The following NUP133 variants were observed in gnomAD, a reference collection of about 807,000 sequenced individuals.
The protein encoded by NUP133 is nuclear pore complex protein Nup133.
Under a neutral mutation model 146.2 loss-of-function variants are expected in NUP133, and 66 were observed. That is an observed-to-expected ratio of 0.45 (90% CI 0.37 to 0.55). The LOEUF (loss-of-function observed/expected upper bound fraction) is 0.55. Ranked by LOEUF, NUP133 falls within the 20% of genes least tolerant of loss-of-function variation. The pLI, the probability that NUP133 is intolerant of heterozygous loss-of-function variation, is 0.00. For missense variants in NUP133, 1,277 were observed against 1,374.8 expected (o/e 0.93, Z 1.12); for synonymous variants, 521 against 498.8 (o/e 1.04, Z -0.59).
intron 15 of NUP133, 96 bp downstream of exon 15, chr1:229,470,481 CTTT>C: frequency 1.0e-6 from 1 of 980,616 alleles, no homozygotes; most frequent in Admixed American, 2.2e-5. Context: ...TCAGTGAGAT[CTTT>C]TGTGATTTAA....
intron 9 of NUP133, among the ~76,000 whole-genome samples, chr1:229,488,956 A>G (rs1288771754): frequency 6.6e-6 from 1 of 152,258 alleles, no homozygotes; most frequent in Non-Finnish European, 1.5e-5. Context: ...GTTATTAAAC[A>G]TGTTTAATTG....
chr1:229,469,175 G>T (rs77060116), intron 15 of NUP133, among the ~76,000 whole-genome samples: 2,671 of 152,290 alleles, frequency 0.018, 85 homozygotes, highest in African/African-American at 0.061. Context: ...AGAGCTCAGG[G>T]AAGAGCTGGC....
At chr1:229,452,463 CAACAAACACCA>C (rs1660472859) in intron 22 of NUP133, 51 bp downstream of exon 22, 2 of 1,329,326 alleles carry the variant, frequency 1.5e-6, no homozygotes, top group South Asian at 2.6e-5. Context: ...CTACATGGCC[CAACAAACACCA>C]AAAAGGTTTT....
chr1:229,501,995 T>A lies in NUP133; in HGVS notation c.405+4A>T, dbSNP rs1416668732. On this transcript the variant is annotated splice_donor_region_variant and intron_variant, in intron 3 of 25. Transcript: ENST00000261396. Reference sequence around the variant, plus strand: ...CTTGTTCCAGCTCTCTAAAGAGCCATTACCTTAGTAATAGGTGACAGAGCA... The same window carrying A: ...CTTGTTCCAGCTCTCTAAAGAGCCAATACCTTAGTAATAGGTGACAGAGCA... 1 of 1,597,820 alleles carries A rather than the reference T, an allele frequency of 6.3e-7. No homozygotes were observed. Among genetic ancestry groups the A allele is most frequent in the Non-Finnish European group, 8.6e-7 (1 of 1,165,200 alleles).
chr1:229,495,905 G>A lies in NUP133; in HGVS notation c.962C>T (p.Thr321Ile). The A allele has an allele frequency of 2.5e-6, 4 of 1,594,752 alleles. No homozygotes were observed. The highest frequency in any genetic ancestry group is 3.4e-6 in the Non-Finnish European group (4 of 1,173,698). The change falls in exon 7 of 26, where the codon ACC (threonine) becomes ATC (isoleucine). Residue 321 changes from threonine (T) to isoleucine (I), a missense_variant. Coordinates refer to ENST00000261396, the MANE Select transcript of NUP133 (RefSeq NM_018230.3). Reference sequence around the variant, plus strand: ...ATTGTTTCTTACCCAAATAGCATCGGTAATGTTTTCCTTCAGGGCTCTATT... The same window carrying A: ...ATTGTTTCTTACCCAAATAGCATCGATAATGTTTTCCTTCAGGGCTCTATT... ...DINRALKENI[T>I]DAIWGSESNY... is the part of the protein sequence containing the mutation.
chr1:229,487,385 T>C, intron 10 of NUP133, 81 bp downstream of exon 10: 1 of 1,325,020 alleles, frequency 7.5e-7, no homozygotes, highest in Non-Finnish European at 1.1e-6. Flanking sequence ...ATGCTTGAAG[T>C]GACATTCAGG....
At chr1:229,506,425 G>GAAAT (rs1309688017) in intron 1 of NUP133, among the ~76,000 whole-genome samples, 1 of 141,296 alleles carries the variant, frequency 7.1e-6, no homozygotes, top group Admixed American at 7.3e-5. Flanking sequence ...CCTTAGCTGT[G>GAAAT]AAATAAGGCT....
At chr1:229,495,628 T>C in intron 7 of NUP133, 63 bp from the exon 8 acceptor site, 1 of 1,229,104 alleles carries the variant, frequency 8.1e-7, no homozygotes, top group East Asian at 2.3e-5. Context: ...TTCACCTTTA[T>C]ATCCCTAGTA....
At position 229,497,018 on chromosome 1, in the gene NUP133, C is replaced by G. The variant is rs182804592; in HGVS notation, c.820-971G>C. ...TGTTATTTTGCCTTTTCAGTATATA[C>G]TTAATCATGAAGTATAGATATTCGG... On this transcript the variant is annotated intron_variant, in intron 6 of 25. Coordinates refer to ENST00000261396, the MANE Select transcript of NUP133 (RefSeq NM_018230.3). 1.6e-4 allele frequency among the ~76,000 whole-genome samples: 24 copies of G among 152,260 alleles called. No homozygotes were observed. In the East Asian group the frequency reaches 4.4e-3, roughly 28 times the overall value.
chr1:229,474,240 G>A (rs1661023114), intron 14 of NUP133, among the ~76,000 whole-genome samples: 2 of 152,204 alleles, frequency 1.3e-5, no homozygotes, highest in Admixed American at 1.3e-4. Context: ...GTGATTCCGG[G>A]TGAAACCAAC....
chr1:229,450,622 T>C lies in NUP133; in HGVS notation c.3100-17A>G. 2 of 1,324,318 alleles carry C rather than the reference T, an allele frequency of 1.5e-6. No homozygotes were observed. The highest frequency in any genetic ancestry group is 1.5e-5 in the African/African-American group (1 of 68,112). The allele number at this position is 1,324,318 out of a possible 1,614,324, so 82.0% of individuals were successfully genotyped here. On this transcript the variant is annotated splice_polypyrimidine_tract_variant and intron_variant, in intron 22 of 25. Transcript: ENST00000261396. ...GATATATAGCTATGACAAGTTAAAA[T>C]AAGGTAGAAGATTATACAATCATGT...
At chr1:229,475,830 C>A in intron 13 of NUP133, 98 bp from the exon 14 acceptor site, 1 of 1,004,332 alleles carries the variant, frequency 1.0e-6, no homozygotes, top group Non-Finnish European at 1.5e-6. Context: ...AAAGCTAAGG[C>A]TAGGCACGGT....
At chr1:229,456,040 G>A (rs755668969) in intron 21 of NUP133, among the ~76,000 whole-genome samples, 1 of 152,276 alleles carries the variant, frequency 6.6e-6, no homozygotes, top group Non-Finnish European at 1.5e-5. Context: ...AGTTTTTGAA[G>A]AGTCTAGGGC....
Position 229,505,746 on chromosome 1 carries a change from G to A in NUP133, c.301+294C>T, listed in dbSNP as rs187427262. ...TACTAAAAATACAAAAAATTAGCTG[G>A]GCGTGGTGGCTCACACCTATAATCC... On this transcript the variant is annotated intron_variant, in intron 2 of 25. Coordinates refer to ENST00000261396, the MANE Select transcript of NUP133 (RefSeq NM_018230.3). Among the ~76,000 whole-genome samples the A allele has an allele frequency of 4.1e-4, 62 of 152,024 alleles. 1 individual carries two copies. Among genetic ancestry groups the A allele is most frequent in the Admixed American group, 3.5e-3 (54 of 15,258 alleles).
chr1:229,490,046 A>G lies in NUP133; in HGVS notation c.1103T>C (p.Ile368Thr), dbSNP rs1661468100. 1.2e-6 allele frequency: 2 copies of G among 1,611,672 alleles called. No individual in the cohort carries two copies. Among genetic ancestry groups the G allele is most frequent in the East Asian group, 2.2e-5 (1 of 44,830 alleles). Residue 368 changes from isoleucine (I) to threonine (T), a missense_variant, in exon 9 of 26, where the codon ATC becomes ACC. By Grantham distance (89) the Ile-to-Thr change is moderately conservative. Around this residue, in one of 3 missense-constraint regions of NUP133, gnomAD observed 952 missense variants for 1,047.0 expected, o/e 0.91. Transcript: ENST00000261396. ...TTCTATTGTTATCAGAGAGTAATAG[A>G]TGAGACATGGATTGTCTGCTGAGTG... Reference protein sequence around the residue: ...AWHSADNPCLIYYSLITIEDN... With the variant: ...AWHSADNPCLTYYSLITIEDN...
rs537234819 is a variant in NUP133 at position 229,465,422 on chromosome 1, G to A, written c.2297C>T (p.Thr766Met). Reference sequence around the variant, plus strand: ...CTGTTAATAAATCAGTATATTACCCGTCCATGGAACATATTCAGGTTCTTT... The same window carrying A: ...CTGTTAATAAATCAGTATATTACCCATCCATGGAACATATTCAGGTTCTTT... ...LEKEPEYVPW[T>M]ATSGPGGIRT... The change falls in exon 17 of 26, where the codon ACG (threonine) becomes ATG (methionine). Residue 766 changes from threonine (T) to methionine (M), a missense_variant and splice_region_variant. By Grantham distance (81) the Thr-to-Met change is moderately conservative. Around this residue, in one of 3 missense-constraint regions of NUP133, gnomAD observed 952 missense variants for 1,047.0 expected, o/e 0.91. Coordinates refer to ENST00000261396, the MANE Select transcript of NUP133 (RefSeq NM_018230.3). 38 of 1,594,346 alleles carry A rather than the reference G, an allele frequency of 2.4e-5. No individual in the cohort carries two copies. The highest frequency in any genetic ancestry group is 4.4e-5 in the South Asian group (4 of 90,714).
At position 229,449,148 on chromosome 1, in the gene NUP133, A is replaced by G. The variant is rs1276485288; in HGVS notation, c.3223T>C (p.Cys1075Arg). The change falls in exon 24 of 26, where the codon TGC (cysteine) becomes CGC (arginine). Residue 1075 changes from cysteine to arginine, a missense_variant. Physicochemically the swap from Cys to Arg is radical, Grantham distance 180 (BLOSUM62 -3). This residue lies in a region of NUP133 where 952 missense variants were observed against 1,047.0 expected (regional missense o/e 0.91). Coordinates refer to ENST00000261396, the MANE Select transcript of NUP133 (RefSeq NM_018230.3). ...NINDLKLEIL[C>R]KALQRDNWSS... ...TACTTATCTCTCTGAAGAGCTTTGC[A>G]AAGGATTTCCAGTTTTAGATCATTT... 1.2e-6 allele frequency: 2 copies of G among 1,612,736 alleles called. No homozygotes were observed. Among genetic ancestry groups the G allele is most frequent in the South Asian group, 2.2e-5 (2 of 90,970 alleles).
At chr1:229,491,767 G>T (rs1417802134) in intron 8 of NUP133, among the ~76,000 whole-genome samples, 3 of 151,992 alleles carry the variant, frequency 2.0e-5, no homozygotes, top group African/African-American at 7.2e-5. Flanking sequence ...AACAGTGTGA[G>T]ACTCTAACTC....
At chr1:229,505,752 G>T (rs1452696137) in intron 2 of NUP133, among the ~76,000 whole-genome samples, 2 of 151,950 alleles carry the variant, frequency 1.3e-5, no homozygotes, top group East Asian at 3.9e-4. Flanking sequence ...GCTGGGCGTG[G>T]TGGCTCACAC....
Sources: gnomAD v4.1 joint callset for allele counts (sites outside exome capture counted in the v4.1 genomes callset) on GRCh38, gnomAD v4.1.1 for gene constraint, gnomAD v4.1.1 regional missense constraint, MANE v1.5 for transcripts, NCBI Gene and HGNC (gene_info 2026-07-23, HGNC 2026-07-21) for gene names.